URI1: variants seen among roughly 807,000 people sequenced by gnomAD.
URI1 encodes unconventional prefoldin RPB5 interactor 1.
In URI1, 39 loss-of-function variants were observed where a neutral mutation model predicts 60.2. That is an observed-to-expected ratio of 0.65 (90% CI 0.50 to 0.85). The LOEUF is 0.85. Among genes scored for constraint, URI1 ranks in the 40% least tolerant of loss-of-function variants. URI1 has a pLI of 0.00. For missense variants in URI1, 691 were observed against 665.9 expected (o/e 1.04, Z -0.42); for synonymous variants, 251 against 236.8 (o/e 1.06, Z -0.55).
intron 8 of URI1, 54 bp from the exon 9 acceptor site, chr19:30,011,040 T>A: frequency 6.4e-7 from 1 of 1,568,872 alleles, no homozygotes; most frequent in Non-Finnish European, 8.6e-7. Flanking sequence ...TGTTTTGGTT[T>A]CACTTTGATT....
At chr19:29,963,891 G>T (rs1293311175) in intron 1 of URI1, among the ~76,000 whole-genome samples, 1 of 152,116 alleles carries the variant, frequency 6.6e-6, no homozygotes, top group African/African-American at 2.4e-5. Context: ...TTTCCTTGGA[G>T]GCTTCTGAAC....
chr19:29,985,364 C>T (rs909150760), intron 3 of URI1, 63 bp downstream of exon 3: 62 of 1,391,334 alleles, frequency 4.5e-5, no homozygotes, highest in South Asian at 3.0e-4. Context: ...AACTATGTGT[C>T]GGTTCACAGA....
chr19:29,949,234 G>A (rs1259780314), intron 1 of URI1, among the ~76,000 whole-genome samples: 1 of 150,048 alleles, frequency 6.7e-6, no homozygotes. Flanking sequence ...CTTTTCAGAC[G>A]GGGCGGCCGG....
Position 29,935,936 on chromosome 19 carries a change from G to A in URI1, c.63+12182G>A, listed in dbSNP as rs528512080. On this transcript the variant is annotated intron_variant, in intron 1 of 10. Transcript: ENST00000360605. The stretch of plus-strand genomic sequence containing the variant: ...CAAGTAGCTGGGACTACAGGCACCC[G>A]CCACCACGCCTGGCTAGTTTTTTGT... Among the ~76,000 whole-genome samples, 9 of 150,942 alleles carry A rather than the reference G, an allele frequency of 6.0e-5. No individual in the cohort carries two copies. The South Asian group carries it at 1.0e-3, about 18-fold the overall frequency.
intron 6 of URI1, among the ~76,000 whole-genome samples, chr19:30,006,018 A>ATTTG (rs1307011517): frequency 1.3e-5 from 2 of 152,072 alleles, no homozygotes; most frequent in Non-Finnish European, 2.9e-5. Flanking sequence ...TCTGCTCCTA[A>ATTTG]TTTGTTCTCT....
chr19:29,985,333 GTTGTTTCTTGTAAACA>G, intron 3 of URI1, 32 bp downstream of exon 3: 1 of 1,555,768 alleles, frequency 6.4e-7, no homozygotes, highest in African/African-American at 1.4e-5. Flanking sequence ...TAAAGTAATA[GTTGTTTCTTGTAAACA>G]TATTAACTAT....
rs565158206 is a variant in URI1 at position 29,977,758 on chromosome 19, G to C, written c.152+6531G>C. Among the ~76,000 whole-genome samples, 251 of 151,754 alleles carry C rather than the reference G, an allele frequency of 1.7e-3. 1 individual carries two copies. The highest frequency in any genetic ancestry group is 5.9e-3 in the African/African-American group (243 of 41,386). Reference sequence around the variant, plus strand: ...ATGGTGTGAGTTAGTACATGCGCTAGTGATTAAGTGAGTTTGGAACTCGTG... The same window carrying C: ...ATGGTGTGAGTTAGTACATGCGCTACTGATTAAGTGAGTTTGGAACTCGTG... On this transcript the variant is annotated intron_variant, in intron 2 of 10. Coordinates refer to ENST00000392271, the MANE Select transcript of URI1 (RefSeq NM_003796.3).
chr19:29,991,249 G>A (rs1200908146), intron 4 of URI1, among the ~76,000 whole-genome samples: 2 of 152,092 alleles, frequency 1.3e-5, no homozygotes, highest in Non-Finnish European at 2.9e-5. Context: ...CTTACAGCCT[G>A]TAAATACAGT....
Position 29,933,937 on chromosome 19 carries a change from T to TC in URI1, c.63+10186dup, listed in dbSNP as rs567821470. Among the ~76,000 whole-genome samples the TC allele has an allele frequency of 6.2e-5, 6 of 96,434 alleles. No homozygotes were observed. In the South Asian group the frequency reaches 1.2e-3, roughly 20 times the overall value. The allele number at this position is 96,434 out of a possible 152,430, so 63.3% of individuals were successfully genotyped here. A position where few individuals can be genotyped will look rare whatever the true frequency, so the allele number is the denominator to read the frequency against. Reference sequence around the variant, plus strand: ...TATTCCTTCTTTCTTTTTCTTTTCTTCCCTTTTTTTTTTTTTGAGATGAAG... The same window carrying TC: ...TATTCCTTCTTTCTTTTTCTTTTCTTCCCCTTTTTTTTTTTTTGAGATGAAG... On this transcript the variant is annotated intron_variant, in intron 1 of 10. Coordinates refer to the URI1 transcript ENST00000360605.
At position 29,956,995 on chromosome 19, in the gene URI1, A is replaced by G. The variant is rs1016031390; in HGVS notation, c.118-14198A>G. ...TGCTGAGAATGGTCTTCATTCTCAC[A>G]GTAAACGCAGCAAAAAAAAGTGGCC... is the stretch of plus-strand genomic sequence containing the variant. On this transcript the variant is annotated intron_variant, in intron 1 of 10. Coordinates refer to ENST00000392271, the MANE Select transcript of URI1 (RefSeq NM_003796.3). 797 of 757,308 alleles carry G rather than the reference A, an allele frequency of 1.1e-3. 4 individuals are homozygous for G. Among genetic ancestry groups the G allele is most frequent in the Non-Finnish European group, 1.3e-3 (574 of 448,496 alleles). 46.9% of individuals were successfully genotyped at this position (757,308 alleles called of 1,614,324 possible).
chr19:29,931,196 A>C (rs1424793613), intron 1 of URI1, among the ~76,000 whole-genome samples: 1 of 152,190 alleles, frequency 6.6e-6, no homozygotes, highest in Non-Finnish European at 1.5e-5. Flanking sequence ...AATTGCACTG[A>C]ATCTGTGGAT....
chr19:29,961,910 C>T (rs1415839244), intron 1 of URI1, among the ~76,000 whole-genome samples: 1 of 152,120 alleles, frequency 6.6e-6, no homozygotes, highest in East Asian at 1.9e-4. Flanking sequence ...GTCTCGAACT[C>T]CTGACCTCGG....
intron 4 of URI1, among the ~76,000 whole-genome samples, chr19:30,000,506 A>G (rs998578078): frequency 4.6e-5 from 7 of 151,852 alleles, no homozygotes. Flanking sequence ...TATATTCCTT[A>G]TACTCCTGCT....
In URI1 at chr19:30,012,446, C is replaced by A; in HGVS notation, c.1340C>A (p.Thr447Asn). 3 of 1,614,154 alleles carry A rather than the reference C, an allele frequency of 1.9e-6. No individual in the cohort carries two copies. Among genetic ancestry groups the A allele is most frequent in the Non-Finnish European group, 2.5e-6 (3 of 1,180,018 alleles). The change falls in exon 10 of 11, where the codon ACT becomes AAT. Residue 447 changes from threonine (T) to asparagine (N), a missense_variant. By Grantham distance (65) the Thr-to-Asn change is moderately conservative (BLOSUM62 0). Coordinates refer to ENST00000392271, the MANE Select transcript of URI1 (RefSeq NM_003796.3). ...VLRSISCEEA[T>N]CSDTSESILE... Reference sequence around the variant, plus strand: ...AGGAGTATCAGCTGCGAAGAAGCCACTTGCAGTGACACCAGTGAGAGCATT... The same window carrying A: ...AGGAGTATCAGCTGCGAAGAAGCCAATTGCAGTGACACCAGTGAGAGCATT...
rs769034640 is a variant in URI1 at position 30,009,260 on chromosome 19, C to T, written c.942C>T (p.Asp314=). The change falls in exon 8 of 11, where the codon GAC becomes GAT. Residue 314 remains aspartate, a synonymous_variant. Coordinates refer to ENST00000392271, the MANE Select transcript of URI1 (RefSeq NM_003796.3). ...ATGACGACGACGACGACAACATTGA[C>T]GACGATGATGGTGATAACGACCATG... ...DDDDDDDDNI[D]DDDGDNDHEA... 6.2e-5 allele frequency: 100 copies of T among 1,613,638 alleles called. No homozygotes were observed. The highest frequency in any genetic ancestry group is 7.5e-5 in the Non-Finnish European group (89 of 1,179,874).
intron 2 of URI1, among the ~76,000 whole-genome samples, chr19:29,983,921 A>G (rs1298962249): frequency 6.6e-6 from 1 of 152,206 alleles, no homozygotes; most frequent in Non-Finnish European, 1.5e-5. Context: ...CCTAGGCCAA[A>G]TTGAAACGCC....
rs139042474 is a variant in URI1 at position 29,988,114 on chromosome 19, G to A, written c.367+1697G>A. Among the ~76,000 whole-genome samples, 1,000 of 150,472 alleles carry A rather than the reference G, an allele frequency of 6.6e-3. 9 individuals carry two copies. Among genetic ancestry groups the A allele is most frequent in the African/African-American group, 0.023 (946 of 40,796 alleles). On this transcript the variant is annotated intron_variant, in intron 4 of 10. Coordinates refer to ENST00000392271, the MANE Select transcript of URI1 (RefSeq NM_003796.3). The stretch of plus-strand genomic sequence containing the variant: ...ACCCAGGAGGTGGAGGTTGCAGTGA[G>A]CTGAGATTGTGCCACTGCACTCCAG...
At chr19:29,933,272 G>C (rs983365201) in intron 1 of URI1, among the ~76,000 whole-genome samples, 4 of 152,058 alleles carry the variant, frequency 2.6e-5, no homozygotes, top group African/African-American at 9.7e-5. Context: ...GAAACTTTTT[G>C]ATTACTGATT....
chr19:30,015,498 T>C lies in URI1; in HGVS notation c.*429T>C, dbSNP rs1018543872. 5.2e-6 allele frequency: 8 copies of C among 1,523,960 alleles called. 1 individual carries two copies. The African/African-American group carries it at 1.1e-4, about 21-fold the overall frequency. The allele number at this position is 1,523,960 out of a possible 1,614,324, so 94.4% of individuals were successfully genotyped here. On this transcript the variant is annotated 3_prime_UTR_variant, in exon 11 of 11. Coordinates refer to ENST00000392271, the MANE Select transcript of URI1 (RefSeq NM_003796.3). ...AACAATTACATTACTTGCTTTCACATTTTAAAGGCACTTTAAAAAAATCTA... is the reference window on the plus strand; with the variant it reads ...AACAATTACATTACTTGCTTTCACACTTTAAAGGCACTTTAAAAAAATCTA...
Sources: gnomAD v4.1 joint callset for allele counts (sites outside exome capture counted in the v4.1 genomes callset) on GRCh38, gnomAD v4.1.1 for gene constraint, MANE v1.5 for transcripts, NCBI Gene and HGNC (gene_info 2026-07-23, HGNC 2026-07-21) for gene names.